The following CLNK variants were observed in gnomAD, a reference collection of about 807,000 sequenced individuals.
The protein encoded by CLNK is cytokine dependent hematopoietic cell linker.
CLNK carries 74 observed loss-of-function variants against 68.6 expected under a neutral mutation model. The observed-to-expected ratio is 1.08, with a 90% confidence interval of 0.89 to 1.31. CLNK has a LOEUF of 1.31. CLNK is among the 50% of genes most tolerant of loss of function. CLNK has a pLI of 0.00. For synonymous variants in CLNK, 198 were observed against 172.2 expected, an observed-to-expected ratio of 1.15 and a Z score of -1.17; for missense variants, 553 against 515.3, an observed-to-expected ratio of 1.07 and a Z score of -0.71.
At chr4:10,720,180 C>G in the CLNK span, among the ~76,000 whole-genome samples, 36 of 151,638 alleles carry the variant, frequency 2.4e-4, no homozygotes, top group Middle Eastern at 3.4e-3. Flanking sequence ...CAAAGGAAGC[C>G]GAGAGAAGAA....
intron 2 of CLNK, among the ~76,000 whole-genome samples, chr4:10,636,909 C>A (rs1455410826): frequency 6.6e-6 from 1 of 152,164 alleles, no homozygotes; most frequent in Non-Finnish European, 1.5e-5. Flanking sequence ...ATATATCCCT[C>A]TACTGTAAAT....
upstream of CLNK, among the ~76,000 whole-genome samples, chr4:10,687,555 T>A (rs1217523625): frequency 6.7e-6 from 1 of 150,232 alleles, no homozygotes. Flanking sequence ...AGGGAAGGAG[T>A]AAAGGAGGTG....
chr4:10,677,243 A>G (rs61794272), intron 1 of CLNK, among the ~76,000 whole-genome samples: 26,907 of 152,088 alleles, frequency 0.18, 2,695 homozygotes, highest in Non-Finnish European at 0.23. Context: ...AGATCCAGTA[A>G]ACCCCACCAT....
chr4:10,603,197 G>C lies in CLNK; in HGVS notation c.12-5148C>G, dbSNP rs1721656977. 3.3e-5 allele frequency among the ~76,000 whole-genome samples: 5 copies of C among 152,190 alleles called. No homozygotes were observed. In the South Asian group the frequency reaches 1.0e-3, roughly 31 times the overall value. Reference sequence around the variant, plus strand: ...CATTCTATACACTCAGAGTGAGCTTGCAGGCTGCTGAGAAATCACTAAAAT... The same window carrying C: ...CATTCTATACACTCAGAGTGAGCTTCCAGGCTGCTGAGAAATCACTAAAAT... On this transcript the variant is annotated intron_variant, in intron 2 of 18. Transcript: ENST00000226951.
the CLNK span, among the ~76,000 whole-genome samples, chr4:10,709,026 T>C: frequency 6.6e-6 from 1 of 152,348 alleles, no homozygotes; most frequent in East Asian, 1.9e-4. Context: ...AGCATTAAAA[T>C]ACTCTACTTA....
At chr4:10,643,442 G>A (rs1281708848) in intron 2 of CLNK, among the ~76,000 whole-genome samples, 3 of 152,350 alleles carry the variant, frequency 2.0e-5, no homozygotes, top group Non-Finnish European at 4.4e-5. Flanking sequence ...TAAGAAAATA[G>A]TCTATCATGG....
At chr4:10,516,458 A>G (rs1717839168) in intron 15 of CLNK, among the ~76,000 whole-genome samples, 1 of 152,194 alleles carries the variant, frequency 6.6e-6, no homozygotes, top group African/African-American at 2.4e-5. Flanking sequence ...TATAGGCGCT[A>G]ATCAAAAAGC....
intron 18 of CLNK, among the ~76,000 whole-genome samples, chr4:10,499,633 G>C (rs947080627): frequency 1.3e-5 from 2 of 152,142 alleles, no homozygotes. Flanking sequence ...GAAAGTTCTG[G>C]TTTTATCCTG....
At chr4:10,604,750 A>C (rs933944958) in intron 2 of CLNK, among the ~76,000 whole-genome samples, 1 of 152,192 alleles carries the variant, frequency 6.6e-6, no homozygotes, top group East Asian at 1.9e-4. Flanking sequence ...GAAGTCCACT[A>C]ATGAATTTCC....
At chr4:10,512,397 A>AT (rs1212346537) in intron 16 of CLNK, among the ~76,000 whole-genome samples, 7 of 151,818 alleles carry the variant, frequency 4.6e-5, no homozygotes, top group Admixed American at 6.6e-5. Context: ...CGCCTGGCTA[A>AT]TTTTTTTATT....
intron 4 of CLNK, among the ~76,000 whole-genome samples, chr4:10,576,211 C>T (rs1402854082): frequency 6.6e-6 from 1 of 152,200 alleles, no homozygotes; most frequent in African/African-American, 2.4e-5. Context: ...ACCCAGATCC[C>T]CACCAAAGTG....
intron 2 of CLNK, among the ~76,000 whole-genome samples, chr4:10,629,015 A>G (rs1268209513): frequency 6.6e-6 from 1 of 152,184 alleles, no homozygotes; most frequent in African/African-American, 2.4e-5. Flanking sequence ...TAAGGCTATT[A>G]AATTCTCCCT....
chr4:10,490,641 CT>C (rs1716530505), intron 18 of CLNK, 28 bp from the exon 19 acceptor site: 30 of 1,540,968 alleles, frequency 1.9e-5, no homozygotes, highest in Non-Finnish European at 2.6e-5. Context: ...AAGTTAATGA[CT>C]TTTAAAATAT....
the CLNK span, among the ~76,000 whole-genome samples, chr4:10,732,842 G>C: frequency 6.6e-6 from 1 of 151,676 alleles, no homozygotes; most frequent in Non-Finnish European, 1.5e-5. Flanking sequence ...TCACTTCCTT[G>C]AAGTGTCAGA....
At chr4:10,530,292 C>T (rs1041717778) in intron 12 of CLNK, among the ~76,000 whole-genome samples, 3 of 152,100 alleles carry the variant, frequency 2.0e-5, no homozygotes, top group Non-Finnish European at 2.9e-5. Flanking sequence ...TGAGTCTTTC[C>T]TTTCTGTGAA....
chr4:10,575,437 C>G (rs1030541385), intron 4 of CLNK, among the ~76,000 whole-genome samples: 2 of 152,242 alleles, frequency 1.3e-5, no homozygotes, highest in African/African-American at 4.8e-5. Context: ...GAGGGGTCTT[C>G]CCTGACTACC....
intron 2 of CLNK, among the ~76,000 whole-genome samples, chr4:10,625,157 T>C (rs993646791): frequency 6.6e-6 from 1 of 152,214 alleles, no homozygotes; most frequent in African/African-American, 2.4e-5. Flanking sequence ...CCCATGGTGC[T>C]GTAAAGCCAT....
chr4:10,694,803 G>C, the CLNK span, among the ~76,000 whole-genome samples: 5 of 152,322 alleles, frequency 3.3e-5, no homozygotes, highest in Middle Eastern at 0.014. Flanking sequence ...AGATCATGCA[G>C]CATTTGTCCT....
At chr4:10,631,848 A>G (rs751486057) in intron 2 of CLNK, among the ~76,000 whole-genome samples, 1 of 152,228 alleles carries the variant, frequency 6.6e-6, no homozygotes, top group African/African-American at 2.4e-5. Flanking sequence ...GATTTTCTCA[A>G]TTCTCCTTCA....
Sources: gnomAD v4.1 joint callset for allele counts (sites outside exome capture counted in the v4.1 genomes callset) on GRCh38, gnomAD v4.1.1 for gene constraint, MANE v1.5 for transcripts, NCBI Gene and HGNC (gene_info 2026-07-23, HGNC 2026-07-21) for gene names.